APLF: variants seen among roughly 807,000 people sequenced by gnomAD.
APLF encodes aprataxin and PNKP like factor, also known as aprataxin and PNK-like factor.
In APLF, 61 loss-of-function variants were observed where a neutral mutation model predicts 55.6. The observed-to-expected ratio is 1.10, with a 90% CI of 0.89 to 1.36. The LOEUF is 1.36. Among genes scored for constraint, APLF ranks in the 40% most tolerant of loss-of-function variants. APLF has a pLI of 0.00. For synonymous variants in APLF, 207 were observed against 214.8 expected, an observed-to-expected ratio of 0.96 and a Z score of 0.32; for missense variants, 611 against 602.5, an observed-to-expected ratio of 1.01 and a Z score of -0.15.
chr2:68,527,473 GGTGCTC>G (rs1670098981), intron 6 of APLF, among the ~76,000 whole-genome samples: 2 of 146,434 alleles, frequency 1.4e-5, no homozygotes, highest in African/African-American at 2.5e-5. Context: ...GGGCAGAGGC[GGTGCTC>G]CTCCTCAATT....
chr2:68,533,691 G>A (rs981667478), intron 6 of APLF, among the ~76,000 whole-genome samples: 9 of 152,062 alleles, frequency 5.9e-5, no homozygotes, highest in African/African-American at 2.2e-4. Context: ...GGGCTGGCTG[G>A]GCCCACCTCC....
intron 9 of APLF, chr2:68,568,096 G>A (rs1653415473): frequency 6.2e-6 from 1 of 160,856 alleles, no homozygotes. Flanking sequence ...AGGAGGGGGA[G>A]AGACACCAGA....
intron 5 of APLF, among the ~76,000 whole-genome samples, chr2:68,523,624 A>G (rs1278036281): frequency 6.6e-6 from 1 of 150,706 alleles, no homozygotes; most frequent in Non-Finnish European, 1.5e-5. Flanking sequence ...TTAATGATAC[A>G]TATATATATA....
chr2:68,484,691 G>GA (rs557801391), intron 1 of APLF, among the ~76,000 whole-genome samples: 18,081 of 114,916 alleles, frequency 0.16, 2,415 homozygotes, highest in African/African-American at 0.39. Flanking sequence ...AGCTTAGTCT[G>GA]AAAAAAAAAA....
intron 2 of APLF, among the ~76,000 whole-genome samples, chr2:68,498,544 A>C (rs2103924788): frequency 6.6e-6 from 1 of 152,370 alleles, no homozygotes; most frequent in South Asian, 2.1e-4. Context: ...AAAATGCTGT[A>C]GCTCTCCAGC....
chr2:68,503,015 G>A (rs1676769580), intron 3 of APLF, 112 bp downstream of exon 3: 1 of 1,102,758 alleles, frequency 9.1e-7, no homozygotes, highest in African/African-American at 1.6e-5. Context: ...GATAGAGTAG[G>A]TGTGTAATGT....
intron 6 of APLF, among the ~76,000 whole-genome samples, chr2:68,537,613 A>C (rs1188157780): frequency 6.6e-6 from 1 of 151,916 alleles, no homozygotes; most frequent in Non-Finnish European, 1.5e-5. Context: ...CAGGTGATCC[A>C]CCCGCCTCAG....
intron 7 of APLF, among the ~76,000 whole-genome samples, chr2:68,540,045 G>A (rs932665254): frequency 2.0e-5 from 3 of 152,106 alleles, no homozygotes; most frequent in Admixed American, 6.6e-5. Context: ...TGTGCAGAAC[G>A]TGCAGGTTTG....
At chr2:68,570,226 C>A (rs922023495) in intron 9 of APLF, among the ~76,000 whole-genome samples, 1 of 150,978 alleles carries the variant, frequency 6.6e-6, no homozygotes, top group Non-Finnish European at 1.5e-5. Flanking sequence ...AATTTTTGCA[C>A]AAGTTATTGA....
At chr2:68,518,436 A>T (rs1251645850) in intron 5 of APLF, among the ~76,000 whole-genome samples, 3 of 109,906 alleles carry the variant, frequency 2.7e-5, no homozygotes, top group Admixed American at 2.3e-4. Context: ...TTATTATATA[A>T]TATATAATAA....
At chr2:68,470,919 G>T (rs750945568) in intron 1 of APLF, among the ~76,000 whole-genome samples, 4 of 152,158 alleles carry the variant, frequency 2.6e-5, no homozygotes, top group African/African-American at 4.8e-5. Context: ...GTTCTACAAA[G>T]TTTACACAAA....
chr2:68,546,062 G>A (rs1240552474), intron 8 of APLF, among the ~76,000 whole-genome samples: 1 of 152,096 alleles, frequency 6.6e-6, no homozygotes, highest in Non-Finnish European at 1.5e-5. Context: ...CTATTTCTGT[G>A]ATTGTGGTTT....
At position 68,538,358 on chromosome 2, in the gene APLF, T is replaced by C. The variant is rs576653724; in HGVS notation, c.1160+131T>C. The C allele has an allele frequency of 2.1e-4, 149 of 707,544 alleles. No homozygotes were observed. The African/African-American group carries it at 2.5e-3, about 12-fold the overall frequency. 43.8% of individuals were successfully genotyped at this position (707,544 alleles called of 1,614,324 possible). On this transcript the variant is annotated intron_variant, in intron 7 of 9. Transcript: ENST00000303795. Reference sequence around the variant, plus strand: ...AAGGTTAGGGGCTTTATCGTGTTTCTACTATTTGTACTTCCTCAGTATATT... The same window carrying C: ...AAGGTTAGGGGCTTTATCGTGTTTCCACTATTTGTACTTCCTCAGTATATT...
chr2:68,518,902 A>T (rs1205284628), intron 5 of APLF, among the ~76,000 whole-genome samples: 7 of 125,792 alleles, frequency 5.6e-5, no homozygotes, highest in African/African-American at 2.2e-4. Context: ...TATCATTAAT[A>T]TATAATAAAA....
chr2:68,557,317 T>C (rs1671044084), intron 8 of APLF, among the ~76,000 whole-genome samples: 1 of 152,202 alleles, frequency 6.6e-6, no homozygotes, highest in African/African-American at 2.4e-5. Flanking sequence ...AGTCTGTACA[T>C]GTTCAGTAAG....
At chr2:68,517,315 TTAATATATG>T (rs1558538590) in intron 5 of APLF, among the ~76,000 whole-genome samples, 10 of 121,776 alleles carry the variant, frequency 8.2e-5, no homozygotes, top group Non-Finnish European at 1.1e-4. Context: ...ATATAATATA[TTAATATATG>T]TCATTACTAT....
At chr2:68,574,956 G>C (rs78078494) in intron 9 of APLF, among the ~76,000 whole-genome samples, 7 of 152,238 alleles carry the variant, frequency 4.6e-5, no homozygotes, top group Admixed American at 2.0e-4. Context: ...TATTTATTAA[G>C]TGCTCCCACA....
intron 9 of APLF, among the ~76,000 whole-genome samples, chr2:68,575,920 T>C (rs1671608358): frequency 6.6e-6 from 1 of 152,094 alleles, no homozygotes. Context: ...TTTGGGAATT[T>C]AGGACATAAG....
intron 5 of APLF, among the ~76,000 whole-genome samples, chr2:68,517,358 T>TATATA (rs1206149027): frequency 7.7e-6 from 1 of 130,182 alleles, no homozygotes; most frequent in Admixed American, 8.4e-5. Flanking sequence ...ATATCATTAC[T>TATATA]ATATAATATA....
Sources: allele counts gnomAD v4.1 joint callset (sites outside exome capture counted in the v4.1 genomes callset), GRCh38; gene constraint gnomAD v4.1.1; transcripts MANE v1.5; gene names NCBI Gene and HGNC (gene_info 2026-07-23, HGNC 2026-07-21).